DDX43: variants seen among roughly 807,000 people sequenced by gnomAD.
The protein encoded by DDX43 is probable ATP-dependent RNA helicase DDX43.
In DDX43, 50 loss-of-function variants were observed where a neutral mutation model predicts 84.9. The observed-to-expected ratio is 0.59, with a 90% CI of 0.47 to 0.75. DDX43 has a LOEUF of 0.75. Among genes scored for constraint, DDX43 ranks in the 30% least tolerant of loss-of-function variants. The probability of loss-of-function intolerance (pLI) is 0.00; values close to 1 mark genes in which losing one functional copy is unlikely to be tolerated. For synonymous variants in DDX43, 291 were observed against 266.3 expected, an observed-to-expected ratio of 1.09 and a Z score of -0.90; for missense variants, 689 against 798.6, an observed-to-expected ratio of 0.86 and a Z score of 1.65.
intron 5 of DDX43, 95 bp downstream of exon 5, chr6:73,404,866 AC>A: frequency 2.9e-5 from 27 of 939,452 alleles, no homozygotes; most frequent in Non-Finnish European, 3.9e-5. Context: ...TTTGAAGGCT[AC>A]GCCTTCAATA....
chr6:73,415,655 C>A, intron 15 of DDX43, 71 bp downstream of exon 15: 2 of 1,104,864 alleles, frequency 1.8e-6, no homozygotes, highest in Non-Finnish European at 2.6e-6. Flanking sequence ...GGTACTATGG[C>A]TTGCTATTTA....
chr6:73,414,231 T>G (rs745757117), intron 13 of DDX43, 152 bp downstream of exon 13: 11 of 607,250 alleles, frequency 1.8e-5, no homozygotes, highest in Non-Finnish European at 3.2e-5. Flanking sequence ...CTCTAAACAT[T>G]AATCTGCCTT....
At chr6:73,413,269 C>T (rs1769838694) in intron 11 of DDX43, among the ~76,000 whole-genome samples, 1 of 152,092 alleles carries the variant, frequency 6.6e-6, no homozygotes, top group African/African-American at 2.4e-5. Context: ...AATAATGGGT[C>T]ATTGCTTACA....
intron 13 of DDX43, 22 bp from the exon 14 acceptor site, chr6:73,414,526 T>C (rs200376484): frequency 6.2e-7 from 1 of 1,603,208 alleles, no homozygotes; most frequent in East Asian, 2.2e-5. Flanking sequence ...TGGTTCAGTG[T>C]TCATTTGGCT....
At position 73,395,102 on chromosome 6, in the gene DDX43, A is replaced by G. The variant is rs1418663762; in HGVS notation, c.197A>G (p.Glu66Gly). ...CCGGAGGCCGTGGCCGCTGGTCACG[A>G]GGAACTGCCGCTGTGTTTTGCTTTG... is the stretch of plus-strand genomic sequence containing the variant. ...RPPEAVAAGH[E>G]ELPLCFALKS... Residue 66 changes from glutamate (E) to glycine (G), a missense_variant, in exon 1 of 17, where the codon GAG (glutamate) becomes GGG (glycine). By Grantham distance (98) the Glu-to-Gly change is moderately conservative. This residue lies in a region of DDX43 where 137 missense variants were observed against 105.9 expected (regional missense o/e 1.29). Transcript: ENST00000370336. 3 of 1,614,118 alleles carry G rather than the reference A, an allele frequency of 1.9e-6. No individual in the cohort carries two copies. In the East Asian group the frequency reaches 6.7e-5, roughly 36 times the overall value.
intron 5 of DDX43, 139 bp downstream of exon 5, chr6:73,404,910 T>G: frequency 1.4e-6 from 1 of 724,630 alleles, no homozygotes; most frequent in Non-Finnish European, 2.3e-6. Flanking sequence ...TACATGATAT[T>G]TTAGAACATT....
intron 3 of DDX43, among the ~76,000 whole-genome samples, chr6:73,401,351 A>C (rs954859492): frequency 6.6e-6 from 1 of 152,198 alleles, no homozygotes; most frequent in African/African-American, 2.4e-5. Flanking sequence ...GGGTATGACA[A>C]TATTTTAGCA....
At position 73,404,340 on chromosome 6, in the gene DDX43, G is replaced by A. The variant is rs527887724; in HGVS notation, c.569-350G>A. On this transcript the variant is annotated intron_variant, in intron 4 of 16. Coordinates refer to ENST00000370336, the MANE Select transcript of DDX43 (RefSeq NM_018665.3). The stretch of plus-strand genomic sequence containing the variant: ...ACTCCTGACCTCAGGTGATCCACCC[G>A]CCTCAGCCTCCTGAAGTGCCAAGAT... Among the ~76,000 whole-genome samples the A allele has an allele frequency of 5.9e-5, 9 of 152,174 alleles. No homozygotes were observed. The South Asian group carries it at 8.3e-4, about 14-fold the overall frequency.
intron 4 of DDX43, among the ~76,000 whole-genome samples, chr6:73,403,443 C>A (rs1054482857): frequency 6.6e-6 from 1 of 152,004 alleles, no homozygotes; most frequent in Admixed American, 6.6e-5. Context: ...GCACTCCAGC[C>A]TGGGCGACAG....
In DDX43 at chr6:73,394,859, T is replaced by C. The variant is rs1769427776; in HGVS notation, c.-47T>C. The C allele has an allele frequency of 6.2e-7, 1 of 1,601,466 alleles. No individual in the cohort carries two copies. Among genetic ancestry groups the C allele is most frequent in the Admixed American group, 1.7e-5 (1 of 59,328 alleles). ...CTCTTACGACGTCACGGTCAGGTGG[T>C]GCAGAGCTGGACGGCAACGACGTCG... On this transcript the variant is annotated 5_prime_UTR_variant, in exon 1 of 17. Transcript: ENST00000370336.
At chr6:73,412,678 C>CGCACGT (rs143068937) in intron 11 of DDX43, among the ~76,000 whole-genome samples, 3 of 76,408 alleles carry the variant, frequency 3.9e-5, no homozygotes, top group Non-Finnish European at 6.0e-5. Context: ...TGCGCGCGCG[C>CGCACGT]GTGTGTGTGT....
intron 5 of DDX43, among the ~76,000 whole-genome samples, chr6:73,405,434 T>A (rs1215055329): frequency 1.3e-5 from 2 of 152,212 alleles, no homozygotes; most frequent in Non-Finnish European, 2.9e-5. Flanking sequence ...TCATCTTTGA[T>A]CCATGAAACA....
rs368088524 is a variant in DDX43 at position 73,406,212 on chromosome 6, C to G, written c.808-152C>G. ...CTAATTTTTGTATTTTTAGTAGAGA[C>G]GGTTTCTCTATGTTGGTCAGGCTAG... On this transcript the variant is annotated intron_variant, in intron 6 of 16. Coordinates refer to ENST00000370336, the MANE Select transcript of DDX43 (RefSeq NM_018665.3). 202 of 482,942 alleles carry G rather than the reference C, an allele frequency of 4.2e-4. 4 individuals carry two copies. The highest frequency in any genetic ancestry group is 3.3e-5 in the Non-Finnish European group (9 of 269,782). The allele number at this position is 482,942 out of a possible 1,614,324, so 29.9% of individuals were successfully genotyped here. A position where few individuals can be genotyped will look rare whatever the true frequency, so the allele number is the denominator to read the frequency against.
chr6:73,397,654 C>T (rs1769498074), intron 1 of DDX43, 35 bp from the exon 2 acceptor site: 1 of 1,542,192 alleles, frequency 6.5e-7, no homozygotes. Flanking sequence ...CTAATTTCAA[C>T]TTATAACAAT....
intron 7 of DDX43, 151 bp from the exon 8 acceptor site, chr6:73,407,354 G>A: frequency 1.8e-6 from 1 of 544,898 alleles, no homozygotes; most frequent in Non-Finnish European, 3.3e-6. Flanking sequence ...CCTGACCTCA[G>A]GTAATCCGAC....
chr6:73,416,073 G>C (rs1298364150), intron 15 of DDX43, 40 bp from the exon 16 acceptor site: 1 of 1,070,708 alleles, frequency 9.3e-7, no homozygotes, highest in African/African-American at 1.5e-5. Context: ...TTGTAGAAAA[G>C]AACTCAGAAT....
intron 1 of DDX43, among the ~76,000 whole-genome samples, chr6:73,395,634 AG>A (rs1026638686): frequency 9.9e-5 from 15 of 151,172 alleles, no homozygotes; most frequent in Non-Finnish European, 1.6e-4. Flanking sequence ...AAAAAAAAAA[AG>A]TAATTTAATC....
At chr6:73,411,942 C>T (rs1202954679) in intron 10 of DDX43, among the ~76,000 whole-genome samples, 1 of 152,182 alleles carries the variant, frequency 6.6e-6, no homozygotes, top group Non-Finnish European at 1.5e-5. Flanking sequence ...AGGTGATCCA[C>T]CCGCCTTGGC....
chr6:73,414,331 A>G (rs1000940923), intron 13 of DDX43, among the ~76,000 whole-genome samples: 1 of 152,218 alleles, frequency 6.6e-6, no homozygotes, highest in Admixed American at 6.5e-5. Context: ...TGAAAAATGT[A>G]TCTTTCTGTC....
Sources: allele counts gnomAD v4.1 joint callset (sites outside exome capture counted in the v4.1 genomes callset), GRCh38; gene constraint gnomAD v4.1.1; regional missense constraint gnomAD v4.1.1; transcripts MANE v1.5; gene names NCBI Gene and HGNC (gene_info 2026-07-23, HGNC 2026-07-21).